ULK2: variants seen among roughly 807,000 people sequenced by gnomAD.
ULK2 encodes serine/threonine-protein kinase ULK2.
Under a neutral mutation model 127.5 loss-of-function variants are expected in ULK2, and 76 were observed. The observed-to-expected ratio is 0.60, with a 90% CI of 0.50 to 0.72. ULK2 has a LOEUF of 0.72. ULK2 is among the 30% of genes least tolerant of loss of function. The probability of loss-of-function intolerance (pLI) is 0.00; values close to 1 mark genes in which losing one functional copy is unlikely to be tolerated. For synonymous variants in ULK2, 452 were observed against 461.9 expected, an observed-to-expected ratio of 0.98 and a Z score of 0.28; for missense variants, 1,144 against 1,295.9, an observed-to-expected ratio of 0.88 and a Z score of 1.80.
intron 11 of ULK2, among the ~76,000 whole-genome samples, chr17:19,825,409 T>C (rs917632445): frequency 1.3e-5 from 2 of 152,108 alleles, no homozygotes; most frequent in East Asian, 3.9e-4. Context: ...AACACAACCG[T>C]AGGTATCTAA....
chr17:19,785,281 G>A (rs1476164726), intron 21 of ULK2, among the ~76,000 whole-genome samples: 3 of 151,938 alleles, frequency 2.0e-5, no homozygotes, highest in African/African-American at 7.3e-5. Context: ...GCGCAATCTC[G>A]GCTCACTGCA....
At chr17:19,849,502 T>A (rs557053513) in intron 4 of ULK2, 97 bp from the exon 5 acceptor site, 1 of 1,259,966 alleles carries the variant, frequency 7.9e-7, no homozygotes, top group Admixed American at 2.1e-5. Context: ...TTGTATATAA[T>A]GTCATGTAAA....
intron 16 of ULK2, among the ~76,000 whole-genome samples, chr17:19,801,125 T>TG: frequency 6.6e-6 from 1 of 152,154 alleles, no homozygotes; most frequent in East Asian, 1.9e-4. Flanking sequence ...TAAGTATGAG[T>TG]GATAAGTAGA....
Position 19,772,156 on chromosome 17 carries a change from C to T in ULK2, c.*4193G>A, listed in dbSNP as rs2086744717. ...AGAGGTCACGCTGGCAGCAAGATCT[C>T]AGCCTCTGCTCCTTTCCCTAGTACA... On this transcript the variant is annotated 3_prime_UTR_variant, in exon 27 of 27. Transcript: ENST00000395544. 1 of 152,330 alleles carries T rather than the reference C, an allele frequency of 6.6e-6. No homozygotes were observed. The highest frequency in any genetic ancestry group is 2.4e-5 in the African/African-American group (1 of 41,468). The allele number at this position is 152,330 out of a possible 1,614,324, so 9.4% of individuals were successfully genotyped here. A position where few individuals can be genotyped will look rare whatever the true frequency, so the allele number is the denominator to read the frequency against.
At position 19,796,259 on chromosome 17, in the gene ULK2, AGGG is replaced by A; in HGVS notation, c.1830_1832del (p.Pro611del). 6.2e-7 allele frequency: 1 copy of A among 1,610,574 alleles called. No individual in the cohort carries two copies. ...ACAGGTTGGAAGATGCTTGAGTTTT[AGGG>A]ATTTTGAAAGGAGCTGTGGTCTAAA... On this transcript the variant is annotated inframe_deletion, in exon 19 of 27. Coordinates refer to ENST00000395544, the MANE Select transcript of ULK2 (RefSeq NM_014683.4).
At position 19,771,944 on chromosome 17, in the gene ULK2, G is replaced by C. The variant is rs2086741459; in HGVS notation, c.*4405C>G. The C allele has an allele frequency of 1.3e-5, 2 of 152,362 alleles. No individual in the cohort carries two copies. Among genetic ancestry groups the C allele is most frequent in the Admixed American group, 1.3e-4 (2 of 15,284 alleles). 9.4% of individuals were successfully genotyped at this position (152,362 alleles called of 1,614,324 possible). ...TGCAGAGCCCAGGGAGGTCCGCCCT[G>C]CGCAGAGAGGGAGTGCAGACCTAAA... On this transcript the variant is annotated 3_prime_UTR_variant, in exon 27 of 27. Coordinates refer to ENST00000395544, the MANE Select transcript of ULK2 (RefSeq NM_014683.4).
At chr17:19,789,805 G>T (rs1362702896) in intron 20 of ULK2, among the ~76,000 whole-genome samples, 1 of 145,648 alleles carries the variant, frequency 6.9e-6, no homozygotes, top group African/African-American at 2.5e-5. Flanking sequence ...TCAAGCAGAA[G>T]AAAGAATTAG....
At chr17:19,830,679 A>G (rs550174406) in intron 10 of ULK2, among the ~76,000 whole-genome samples, 1 of 151,928 alleles carries the variant, frequency 6.6e-6, no homozygotes, top group Non-Finnish European at 1.5e-5. Flanking sequence ...AAAATCCACA[A>G]TATGTGGAAA....
At chr17:19,836,274 T>G (rs544140197) in intron 10 of ULK2, among the ~76,000 whole-genome samples, 1 of 152,062 alleles carries the variant, frequency 6.6e-6, no homozygotes, top group African/African-American at 2.4e-5. Context: ...CCGGGCATAG[T>G]GGCATGTGCC....
chr17:19,830,939 A>G (rs1044134261), intron 10 of ULK2, among the ~76,000 whole-genome samples: 2 of 151,720 alleles, frequency 1.3e-5, no homozygotes, highest in African/African-American at 2.4e-5. Flanking sequence ...AGACAGGAGA[A>G]TCGCTTGAAC....
In ULK2 at chr17:19,849,413, A is replaced by G. The variant is rs2041964246; in HGVS notation, c.259-8T>C. 2 of 1,603,704 alleles carry G rather than the reference A, an allele frequency of 1.2e-6. No individual in the cohort carries two copies. Among genetic ancestry groups the G allele is most frequent in the African/African-American group, 1.3e-5 (1 of 74,848 alleles). On this transcript the variant is annotated splice_polypyrimidine_tract_variant and splice_region_variant and intron_variant, in intron 4 of 26. Coordinates refer to ENST00000395544, the MANE Select transcript of ULK2 (RefSeq NM_014683.4). ...GTCTCCACCATTGCAATACTGACAT[A>G]GAAAAGAGAAAGTAATGAAAATAAG...
intron 1 of ULK2, among the ~76,000 whole-genome samples, 175 bp from the exon 2 acceptor site, chr17:19,866,003 T>A (rs749542993): frequency 1.2e-4 from 18 of 152,202 alleles, no homozygotes; most frequent in Non-Finnish European, 2.6e-4. Flanking sequence ...GCCAAGATCC[T>A]ACAACACAAC....
In ULK2 at chr17:19,796,152, A is replaced by G; in HGVS notation, c.1940T>C (p.Leu647Ser). The G allele has an allele frequency of 1.9e-6, 3 of 1,614,158 alleles. No homozygotes were observed. Among genetic ancestry groups the G allele is most frequent in the Non-Finnish European group, 2.5e-6 (3 of 1,180,034 alleles). The change falls in exon 19 of 27, where the codon TTA becomes TCA. Residue 647 changes from leucine to serine, a missense_variant. By Grantham distance (145) the Leu-to-Ser change is moderately radical. Around this residue, in one of 2 missense-constraint regions of ULK2, gnomAD observed 913 missense variants for 970.5 expected, o/e 0.94. Coordinates refer to ENST00000395544, the MANE Select transcript of ULK2 (RefSeq NM_014683.4). ...NEPRECAHCL[L>S]VQGSERQRAE... ...CCGCTGCCTCTCACTTCCTTGCACT[A>G]AGAGGCAATGGGCACATTCCCGTGG...
chr17:19,818,342 G>A (rs1484285771), intron 12 of ULK2, among the ~76,000 whole-genome samples: 1 of 150,000 alleles, frequency 6.7e-6, no homozygotes, highest in Non-Finnish European at 1.5e-5. Flanking sequence ...AAAAAAAAGA[G>A]CTTTCCATGT....
intron 20 of ULK2, among the ~76,000 whole-genome samples, chr17:19,795,396 T>C (rs1001343758): frequency 7.2e-6 from 1 of 138,766 alleles, no homozygotes; most frequent in African/African-American, 2.7e-5. Flanking sequence ...CTCCTTCCAT[T>C]AGTAACGCAC....
rs2087022175 is a variant in ULK2 at position 19,786,006 on chromosome 17, C to T, written c.2182G>A (p.Gly728Arg). 2 of 1,583,508 alleles carry T rather than the reference C, an allele frequency of 1.3e-6. No homozygotes were observed. Among genetic ancestry groups the T allele is most frequent in the South Asian group, 2.3e-5 (2 of 86,398 alleles). Residue 728 changes from glycine to arginine, a missense_variant, in exon 21 of 27, where the codon GGG (glycine) becomes AGG (arginine). Transcript: ENST00000395544. ...GCTGCCGCACTGTGTGGAGGAGACCCTACAGTGAAGAGGACAGCCTTGGAA... is the reference window on the plus strand; with the variant it reads ...GCTGCCGCACTGTGTGGAGGAGACCTTACAGTGAAGAGGACAGCCTTGGAA... ...ASSKAVLFTV[G>R]SPPHSAAAPT...
intron 8 of ULK2, 62 bp downstream of exon 8, chr17:19,843,059 C>A: frequency 7.7e-7 from 1 of 1,300,558 alleles, no homozygotes. Context: ...TTTTACAAAT[C>A]AAACGCAACT....
At chr17:19,797,793 T>A in intron 17 of ULK2, 111 bp from the exon 18 acceptor site, 1 of 1,050,402 alleles carries the variant, frequency 9.5e-7, no homozygotes, top group Non-Finnish European at 1.3e-6. Flanking sequence ...TATCTTATTT[T>A]TCATAAGACA....
Position 19,773,944 on chromosome 17 carries a change from G to C in ULK2, c.*2405C>G, listed in dbSNP as rs1567666401. Reference sequence around the variant, plus strand: ...GTTACTTCTCTCAATGGAAGGAGGGGACAGGGACTGTGGGAAACCAACTAT... The same window carrying C: ...GTTACTTCTCTCAATGGAAGGAGGGCACAGGGACTGTGGGAAACCAACTAT... On this transcript the variant is annotated 3_prime_UTR_variant, in exon 27 of 27. Transcript: ENST00000395544. 6.6e-6 allele frequency: 1 copy of C among 152,250 alleles called. No homozygotes were observed. The highest frequency in any genetic ancestry group is 1.5e-5 in the Non-Finnish European group (1 of 68,060). The allele number at this position is 152,250 out of a possible 1,614,324, so 9.4% of individuals were successfully genotyped here.
Sources: gnomAD v4.1 joint callset for allele counts (sites outside exome capture counted in the v4.1 genomes callset) on GRCh38, gnomAD v4.1.1 for gene constraint, gnomAD v4.1.1 regional missense constraint, MANE v1.5 for transcripts, NCBI Gene and HGNC (gene_info 2026-07-23, HGNC 2026-07-21) for gene names.